MUSK: variants seen among roughly 807,000 people sequenced by gnomAD.
MUSK encodes muscle, skeletal receptor tyrosine-protein kinase.
MUSK carries 55 observed loss-of-function variants against 88.7 expected under a neutral mutation model. That is an observed-to-expected ratio of 0.62 (90% confidence interval 0.50 to 0.78). The LOEUF is 0.78. Among genes scored for constraint, MUSK ranks in the 30% least tolerant of loss-of-function variants. MUSK has a pLI of 0.00. For missense variants in MUSK, 1,015 were observed against 1,074.3 expected (o/e 0.94, Z 0.77); for synonymous variants, 387 against 391.9 (o/e 0.99, Z 0.15).
chr9:110,722,952 C>T (rs1372917474), intron 5 of MUSK, among the ~76,000 whole-genome samples: 1 of 152,024 alleles, frequency 6.6e-6, no homozygotes, highest in East Asian at 1.9e-4. Context: ...CTAGTACAAC[C>T]ACTATGGAAA....
At chr9:110,774,927 A>G (rs556611113) in intron 9 of MUSK, among the ~76,000 whole-genome samples, 166 of 152,220 alleles carry the variant, frequency 1.1e-3, no homozygotes, top group Non-Finnish European at 2.0e-3. Context: ...TCCTTCAGAT[A>G]CTGAATAAAG....
rs567833410 is a variant in MUSK at position 110,716,104 on chromosome 9, C to G, written c.629-18147C>G. Among the ~76,000 whole-genome samples the G allele has an allele frequency of 8.0e-5, 12 of 149,568 alleles. No individual in the cohort carries two copies. In the South Asian group the frequency reaches 2.5e-3, roughly 32 times the overall value. On this transcript the variant is annotated intron_variant, in intron 5 of 14. Coordinates refer to ENST00000374448, the MANE Select transcript of MUSK (RefSeq NM_005592.4). Reference sequence around the variant, plus strand: ...TTACCTATGTAACAAACCTGCACATCCTGCACTTGTACCCCTGAACTTAAA... The same window carrying G: ...TTACCTATGTAACAAACCTGCACATGCTGCACTTGTACCCCTGAACTTAAA...
chr9:110,797,896 C>T (rs142675718), intron 14 of MUSK, among the ~76,000 whole-genome samples: 159 of 152,290 alleles, frequency 1.0e-3, no homozygotes, highest in African/African-American at 3.7e-3. Flanking sequence ...CAGTTTATAA[C>T]ATCCTGAATT....
chr9:110,682,923 C>T, intron 2 of MUSK, 123 bp downstream of exon 2: 3 of 613,486 alleles, frequency 4.9e-6, no homozygotes, highest in South Asian at 3.2e-5. Context: ...AAATAAGTAC[C>T]TCATGGAGAA....
chr9:110,734,501 C>T (rs2077004142), intron 6 of MUSK, 126 bp downstream of exon 6: 3 of 1,190,476 alleles, frequency 2.5e-6, no homozygotes, highest in African/African-American at 3.0e-5. Flanking sequence ...TTTTCAAAGC[C>T]TCCCAATATC....
In MUSK at chr9:110,681,040, ATAATATATAT is replaced by A. The variant is rs2076109453; in HGVS notation, c.80-1631_80-1622del. Among the ~76,000 whole-genome samples the A allele has an allele frequency of 6.9e-5, 3 of 43,754 alleles. 1 individual carries two copies. Among genetic ancestry groups the A allele is most frequent in the African/African-American group, 4.9e-4 (3 of 6,068 alleles). The allele number at this position is 43,754 out of a possible 152,430, so 28.7% of individuals were successfully genotyped here. ...ATATATATTATATATTATATATTAT[ATAATATATAT>A]TATATATTATATATATAATATTATA... is the stretch of plus-strand genomic sequence containing the variant. On this transcript the variant is annotated intron_variant, in intron 1 of 14. Transcript: ENST00000374448.
rs2077508556 is a variant in MUSK, at chr9:110,767,880, A to C, written c.981A>C (p.Ala327=). The C allele has an allele frequency of 6.2e-7, 1 of 1,613,932 alleles. No individual in the cohort carries two copies. Among genetic ancestry groups the C allele is most frequent in the Non-Finnish European group, 8.5e-7 (1 of 1,179,900 alleles). The change falls in exon 9 of 15, where the codon GCA becomes GCC. Residue 327 remains alanine (A), a synonymous_variant. Transcript: ENST00000374448. ...AGTACAGAGGGGAGGTGTGTAATGC[A>C]GTCCTGGCAAAAGATGCTCTTGTTT... ...CAQYRGEVCN[A]VLAKDALVFL...
intron 10 of MUSK, among the ~76,000 whole-genome samples, chr9:110,776,210 T>C (rs2077669507): frequency 6.6e-6 from 1 of 152,238 alleles, no homozygotes. Flanking sequence ...CTTGACATTT[T>C]AGATTCTTTC....
intron 1 of MUSK, among the ~76,000 whole-genome samples, chr9:110,672,661 TA>T (rs199630820): frequency 1.7e-4 from 25 of 148,264 alleles, no homozygotes; most frequent in Admixed American, 3.4e-4. Context: ...TTTGTTGTAC[TA>T]AAAAAAAAAT....
intron 5 of MUSK, among the ~76,000 whole-genome samples, chr9:110,717,239 C>T (rs1226110342): frequency 6.7e-6 from 1 of 149,448 alleles, no homozygotes; most frequent in Admixed American, 6.6e-5. Flanking sequence ...TAATTCTCCA[C>T]TTTAACCCAC....
intron 5 of MUSK, among the ~76,000 whole-genome samples, chr9:110,716,958 T>C (rs1233891732): frequency 6.7e-6 from 1 of 149,894 alleles, no homozygotes; most frequent in African/African-American, 2.5e-5. Context: ...TTTTCCTTTG[T>C]TTTGTGTTTT....
chr9:110,768,874 T>C (rs2077525459), intron 9 of MUSK, among the ~76,000 whole-genome samples: 1 of 152,204 alleles, frequency 6.6e-6, no homozygotes, highest in Non-Finnish European at 1.5e-5. Flanking sequence ...TATAAATAGA[T>C]ATTTTGTTAA....
At chr9:110,694,413 AAC>A (rs1256606319) in intron 3 of MUSK, among the ~76,000 whole-genome samples, 3,486 of 141,746 alleles carry the variant, frequency 0.025, 119 homozygotes, top group East Asian at 0.037. Flanking sequence ...AAAACAAAAA[AAC>A]AAAACCCAAC....
chr9:110,800,194 C>T, intron 14 of MUSK, 112 bp from the exon 15 acceptor site: 1 of 970,838 alleles, frequency 1.0e-6, no homozygotes, highest in Non-Finnish European at 1.5e-6. Context: ...ACGACAACAA[C>T]AACAAAAAAC....
chr9:110,785,668 A>G lies in MUSK; in HGVS notation c.1728A>G (p.Glu576=). 1.9e-6 allele frequency: 3 copies of G among 1,612,654 alleles called. No homozygotes were observed. The highest frequency in any genetic ancestry group is 2.2e-5 in the South Asian group (2 of 90,858). Residue 576 remains glutamate (E), a synonymous_variant, in exon 13 of 15, where the codon GAA becomes GAG. Transcript: ENST00000374448. ...TGGAGTATCCAAGGAATAACATTGA[A>G]TATGTGAGAGACATCGGAGAGGGAG... is the stretch of plus-strand genomic sequence containing the variant. ...LSLEYPRNNI[E]YVRDIGEGAF...
At chr9:110,689,476 A>C (rs1337907212) in intron 3 of MUSK, among the ~76,000 whole-genome samples, 2 of 110,240 alleles carry the variant, frequency 1.8e-5, no homozygotes, top group Non-Finnish European at 3.3e-5. Context: ...TATATGTAAA[A>C]AATATAAAAA....
intron 6 of MUSK, among the ~76,000 whole-genome samples, chr9:110,735,610 G>C (rs1564254205): frequency 6.6e-6 from 1 of 152,044 alleles, no homozygotes; most frequent in Non-Finnish European, 1.5e-5. Flanking sequence ...TAAGTTAGAA[G>C]GAACAATATT....
At chr9:110,772,444 T>G (rs2077591250) in intron 9 of MUSK, among the ~76,000 whole-genome samples, 1 of 151,916 alleles carries the variant, frequency 6.6e-6, no homozygotes, top group Non-Finnish European at 1.5e-5. Context: ...ATAAGTAGTT[T>G]TATTGGGAAA....
chr9:110,689,743 T>TATATATATTA (rs1417062202), intron 3 of MUSK, among the ~76,000 whole-genome samples: 1 of 74,140 alleles, frequency 1.3e-5, no homozygotes, highest in Non-Finnish European at 2.2e-5. Context: ...ATATATAATA[T>TATATATATTA]TATATATTAT....
Sources: gnomAD v4.1 joint callset for allele counts (sites outside exome capture counted in the v4.1 genomes callset) on GRCh38, gnomAD v4.1.1 for gene constraint, MANE v1.5 for transcripts, NCBI Gene and HGNC (gene_info 2026-07-23, HGNC 2026-07-21) for gene names.